Variants in TMEM232 observed in about 807,000 individuals in gnomAD.
TMEM232 encodes the protein transmembrane protein 232.
A neutral mutation model predicts 78.8 loss-of-function variants in TMEM232; 80 were observed. The ratio of observed to expected loss-of-function variants is 1.01; its 90% confidence interval spans 0.85 to 1.22. TMEM232 has a LOEUF of 1.22. Among genes scored for constraint, TMEM232 ranks in the 50% most tolerant of loss-of-function variants. TMEM232 has a pLI of 0.00. For missense variants in TMEM232, 881 were observed against 742.2 expected, an observed-to-expected ratio of 1.19 and a Z score of -2.17; for synonymous variants, 297 against 254.3, an observed-to-expected ratio of 1.17 and a Z score of -1.60.
At chr5:110,438,637 T>C (rs1164073703) in intron 12 of TMEM232, among the ~76,000 whole-genome samples, 2 of 152,020 alleles carry the variant, frequency 1.3e-5, no homozygotes, top group East Asian at 3.9e-4. Flanking sequence ...CAAGCAGAAT[T>C]TGCAGAAACC....
intron 1 of TMEM232, among the ~76,000 whole-genome samples, chr5:110,719,257 T>C (rs1325406785): frequency 6.6e-6 from 1 of 152,020 alleles, no homozygotes; most frequent in East Asian, 1.9e-4. Flanking sequence ...ATGTGCTGCA[T>C]ATATATGTGC....
intron 1 of TMEM232, among the ~76,000 whole-genome samples, chr5:110,689,991 T>G (rs1218168775): frequency 6.6e-6 from 1 of 152,192 alleles, no homozygotes; most frequent in African/African-American, 2.4e-5. Flanking sequence ...TAACTCAAGA[T>G]GGTTTAAAAA....
chr5:110,490,196 T>C (rs564710140), intron 12 of TMEM232, among the ~76,000 whole-genome samples: 1 of 139,024 alleles, frequency 7.2e-6, no homozygotes, highest in East Asian at 2.3e-4. Flanking sequence ...AAAGAAAAAG[T>C]TAATTGTATT....
At chr5:110,407,161 G>A (rs1487901999) in intron 2 of TMEM232, among the ~76,000 whole-genome samples, 1 of 152,006 alleles carries the variant, frequency 6.6e-6, no homozygotes, top group Non-Finnish European at 1.5e-5. Context: ...ATTGGTATAA[G>A]TAATAAGTAT....
At chr5:110,506,246 T>G (rs970943978) in intron 12 of TMEM232, among the ~76,000 whole-genome samples, 3 of 152,232 alleles carry the variant, frequency 2.0e-5, no homozygotes, top group Admixed American at 6.6e-5. Flanking sequence ...TTTTGTTGGC[T>G]TTGTGTGTTT....
At chr5:110,418,903 C>T (rs1350818764), downstream of TMEM232, among the ~76,000 whole-genome samples, 1 of 152,104 alleles carries the variant, frequency 6.6e-6, no homozygotes, top group African/African-American at 2.4e-5. Context: ...CCTTACTAAA[C>T]CTTAGAGCTT....
chr5:110,548,251 C>G lies in TMEM232; in HGVS notation c.1456-19416G>C, dbSNP rs563755162. 8.6e-5 allele frequency among the ~76,000 whole-genome samples: 13 copies of G among 150,918 alleles called. No homozygotes were observed. The East Asian group carries it at 2.5e-3, about 29-fold the overall frequency. ...ATACTGGTGCCTATAAACACACACA[C>G]ACATACACGAACACATCCAGATATA... On this transcript the variant is annotated intron_variant, in intron 11 of 13. Coordinates refer to ENST00000455884, the MANE Select transcript of TMEM232 (RefSeq NM_001039763.4).
At chr5:110,725,799 CTG>C (rs987050447) in intron 1 of TMEM232, 4 of 151,946 alleles carry the variant, frequency 2.6e-5, no homozygotes, top group Admixed American at 2.0e-4. Context: ...GAGGTTGAAA[CTG>C]TATACTTTAA....
chr5:110,677,241 AT>A (rs78213327), intron 1 of TMEM232, among the ~76,000 whole-genome samples: 4,204 of 147,652 alleles, frequency 0.028, 183 homozygotes, highest in East Asian at 0.21. Context: ...TAATTGTCTA[AT>A]TTTTTTTTTC....
Position 110,504,999 on chromosome 5 carries a change from T to C in TMEM232, c.1703+23589A>G, listed in dbSNP as rs570031516. Among the ~76,000 whole-genome samples the C allele has an allele frequency of 3.3e-5, 5 of 152,356 alleles. No individual in the cohort carries two copies. In the South Asian group the frequency reaches 8.3e-4, roughly 25 times the overall value. ...AAAAATTAACAATGAAGTTAATTCT[T>C]ATTCATGTATACCTTCTTTCCTCCC... On this transcript the variant is annotated intron_variant, in intron 12 of 13. Transcript: ENST00000455884.
At chr5:110,687,501 G>T (rs887410997) in intron 1 of TMEM232, among the ~76,000 whole-genome samples, 2 of 151,862 alleles carry the variant, frequency 1.3e-5, no homozygotes, top group Non-Finnish European at 2.9e-5. Context: ...CAGCCTTTCA[G>T]ACCCTTTAAT....
chr5:110,502,237 G>T lies in TMEM232; in HGVS notation c.1703+26351C>A, dbSNP rs377567422. Among the ~76,000 whole-genome samples the T allele has an allele frequency of 2.6e-4, 40 of 152,170 alleles. 1 individual carries two copies. In the East Asian group the frequency reaches 3.9e-3, roughly 15 times the overall value. On this transcript the variant is annotated intron_variant, in intron 12 of 13. Transcript: ENST00000455884. Reference sequence around the variant, plus strand: ...CCATCAAATGCATTGGTCAAGTGTTGTCCTCATGAGGCTAGTAATGGTTTG... The same window carrying T: ...CCATCAAATGCATTGGTCAAGTGTTTTCCTCATGAGGCTAGTAATGGTTTG...
At chr5:110,407,253 C>T (rs1755826594) in intron 2 of TMEM232, among the ~76,000 whole-genome samples, 1 of 151,850 alleles carries the variant, frequency 6.6e-6, no homozygotes, top group South Asian at 2.1e-4. Context: ...CAAAGAATAG[C>T]TGAATGGATA....
intron 6 of TMEM232, among the ~76,000 whole-genome samples, chr5:110,627,004 T>C (rs1366444393): frequency 6.6e-6 from 1 of 152,082 alleles, no homozygotes; most frequent in Admixed American, 6.6e-5. Context: ...TGACTGTCAA[T>C]TCTATATCCC....
rs1757139356 is a variant in TMEM232, at chr5:110,425,569, T to G, written c.1704-653A>C. Among the ~76,000 whole-genome samples, 3 of 152,196 alleles carry G rather than the reference T, an allele frequency of 2.0e-5. No individual in the cohort carries two copies. The South Asian group carries it at 6.2e-4, about 32-fold the overall frequency. On this transcript the variant is annotated intron_variant, in intron 12 of 13. Transcript: ENST00000455884. ...AAAAAGTCTAGTCAATTTTTAAGAC[T>G]GGAACTAATTTTTTTCTGGTTTCTG...
chr5:110,525,194 A>G (rs1313995326), intron 12 of TMEM232, among the ~76,000 whole-genome samples: 1 of 151,694 alleles, frequency 6.6e-6, no homozygotes, highest in Admixed American at 6.6e-5. Context: ...CATCCTCACT[A>G]TTTTTAATCA....
At chr5:110,682,843 G>A (rs1213432853) in intron 1 of TMEM232, among the ~76,000 whole-genome samples, 1 of 152,074 alleles carries the variant, frequency 6.6e-6, no homozygotes, top group South Asian at 2.1e-4. Flanking sequence ...ACCCCTTCTG[G>A]AATTAAGTGT....
chr5:110,472,036 G>T (rs970659922), intron 12 of TMEM232, among the ~76,000 whole-genome samples: 2 of 151,908 alleles, frequency 1.3e-5, no homozygotes, highest in African/African-American at 4.8e-5. Context: ...CATATTACAG[G>T]AAGTTTTAGC....
chr5:110,543,187 G>A lies in TMEM232; in HGVS notation c.1456-14352C>T, dbSNP rs540265933. 1.4e-3 allele frequency among the ~76,000 whole-genome samples: 217 copies of A among 152,086 alleles called. 1 individual carries two copies. Among genetic ancestry groups the A allele is most frequent in the African/African-American group, 4.0e-3 (165 of 41,510 alleles). On this transcript the variant is annotated intron_variant, in intron 11 of 13. Coordinates refer to ENST00000455884, the MANE Select transcript of TMEM232 (RefSeq NM_001039763.4). ...AGAATCCTGATGCTCATTTCATCAT[G>A]TCTCATTTGACTACTCCTCACTTAC...
Sources: gnomAD v4.1 joint callset for allele counts (sites outside exome capture counted in the v4.1 genomes callset) on GRCh38, gnomAD v4.1.1 for gene constraint, MANE v1.5 for transcripts, NCBI Gene and HGNC (gene_info 2026-07-23, HGNC 2026-07-21) for gene names.